STX3: variants seen among roughly 807,000 people sequenced by gnomAD.
STX3 encodes the protein syntaxin 3.
Under a neutral mutation model 40.2 loss-of-function variants are expected in STX3, and 19 were observed. That is an observed-to-expected ratio of 0.47 (90% CI 0.33 to 0.69). STX3 has a LOEUF of 0.69. STX3 is among the 30% of genes least tolerant of loss of function. The pLI is 0.02. For missense variants in STX3, 364 were observed against 366.7 expected, an observed-to-expected ratio of 0.99 and a Z score of 0.06; for synonymous variants, 122 against 132.2, an observed-to-expected ratio of 0.92 and a Z score of 0.53.
rs1218341879 is a variant in STX3 at position 59,804,395 on chromosome 11, T to G, written c.*3571T>G. 1.3e-5 allele frequency: 2 copies of G among 152,244 alleles called. No homozygotes were observed. Among genetic ancestry groups the G allele is most frequent in the African/African-American group, 2.4e-5 (1 of 41,464 alleles). The allele number at this position is 152,244 out of a possible 1,614,324, so 9.4% of individuals were successfully genotyped here. A position where few individuals can be genotyped will look rare whatever the true frequency, so the allele number is the denominator to read the frequency against. ...ACTTTTTAGCACAGCGCCTGCTGCT[T>G]ACAGGTACTCAAATATCTGCTGACT... On this transcript the variant is annotated 3_prime_UTR_variant, in exon 11 of 11. Coordinates refer to ENST00000337979, the MANE Select transcript of STX3 (RefSeq NM_004177.5).
At chr11:59,755,833 A>G (rs1018666193) in intron 1 of STX3, among the ~76,000 whole-genome samples, 198 bp downstream of exon 1, 1 of 151,760 alleles carries the variant, frequency 6.6e-6, no homozygotes, top group Admixed American at 6.6e-5. Context: ...ATTCATCGCT[A>G]GGCAATGATT....
At position 59,805,573 on chromosome 11, in the gene STX3, T is replaced by A. The variant is rs1341918380; in HGVS notation, c.*4749T>A. ...TGGTTGGGTCTGGAAAACATTAATCTGGGCAAACGGAGCTGGAGCTATGAG... is the reference window on the plus strand; with the variant it reads ...TGGTTGGGTCTGGAAAACATTAATCAGGGCAAACGGAGCTGGAGCTATGAG... On this transcript the variant is annotated 3_prime_UTR_variant, in exon 11 of 11. Transcript: ENST00000337979. 1 of 152,234 alleles carries A rather than the reference T, an allele frequency of 6.6e-6. No homozygotes were observed. Among genetic ancestry groups the A allele is most frequent in the Non-Finnish European group, 1.5e-5 (1 of 68,062 alleles). 9.4% of individuals were successfully genotyped at this position (152,234 alleles called of 1,614,324 possible).
At chr11:59,771,515 G>C (rs756829600) in intron 1 of STX3, among the ~76,000 whole-genome samples, 13 of 151,804 alleles carry the variant, frequency 8.6e-5, no homozygotes, top group Non-Finnish European at 1.3e-4. Flanking sequence ...AGTGCAGTGG[G>C]AGCTTAGGGA....
chr11:59,780,314 C>T (rs1056693600), intron 2 of STX3, among the ~76,000 whole-genome samples: 1 of 152,116 alleles, frequency 6.6e-6, no homozygotes, highest in African/African-American at 2.4e-5. Flanking sequence ...GAAAGATGAT[C>T]TCTCTCTCAG....
intron 2 of STX3, among the ~76,000 whole-genome samples, chr11:59,773,895 G>A (rs1047872201): frequency 5.9e-5 from 9 of 151,352 alleles, no homozygotes; most frequent in Middle Eastern, 3.2e-3. Flanking sequence ...ACTTGAATCC[G>A]GGAGGTGGAG....
intron 1 of STX3, among the ~76,000 whole-genome samples, chr11:59,755,865 C>T (rs977762386): frequency 6.6e-6 from 1 of 152,206 alleles, no homozygotes; most frequent in Admixed American, 6.5e-5. Context: ...CTCTAACTCT[C>T]CCACCCCGCA....
chr11:59,800,970 T>G lies in STX3; in HGVS notation c.*146T>G. The G allele has an allele frequency of 3.9e-6, 6 of 1,534,786 alleles. No individual in the cohort carries two copies. The highest frequency in any genetic ancestry group is 5.2e-6 in the Non-Finnish European group (6 of 1,145,968). On this transcript the variant is annotated 3_prime_UTR_variant, in exon 11 of 11. Coordinates refer to ENST00000337979, the MANE Select transcript of STX3 (RefSeq NM_004177.5). ...TTCCTTTGTTTCCTTGCAACCACCC[T>G]TGGACCTGACTCAGCTAACAATCTA... is the stretch of plus-strand genomic sequence containing the variant.
intron 2 of STX3, among the ~76,000 whole-genome samples, chr11:59,785,949 C>G (rs7947036): frequency 0.1 from 15,811 of 152,092 alleles, 1,151 homozygotes; most frequent in African/African-American, 0.2. Context: ...ACCTATGAAG[C>G]GGGGAGCTGA....
Position 59,801,182 on chromosome 11 carries a change from G to A in STX3, c.*358G>A. The A allele has an allele frequency of 4.2e-6, 5 of 1,199,550 alleles. No homozygotes were observed. The highest frequency in any genetic ancestry group is 5.2e-6 in the Non-Finnish European group (5 of 962,870). 74.3% of individuals were successfully genotyped at this position (1,199,550 alleles called of 1,614,324 possible). On this transcript the variant is annotated 3_prime_UTR_variant, in exon 11 of 11. Coordinates refer to ENST00000337979, the MANE Select transcript of STX3 (RefSeq NM_004177.5). ...TCTTGTGAGACTCTCCCAAGGTGCTGTATTTTTCTACCTCATGGAGTATTC... is the reference window on the plus strand; with the variant it reads ...TCTTGTGAGACTCTCCCAAGGTGCTATATTTTTCTACCTCATGGAGTATTC...
At position 59,803,736 on chromosome 11, in the gene STX3, G is replaced by A. The variant is rs1865982366; in HGVS notation, c.*2912G>A. On this transcript the variant is annotated 3_prime_UTR_variant, in exon 11 of 11. Coordinates refer to ENST00000337979, the MANE Select transcript of STX3 (RefSeq NM_004177.5). ...AATGAAAGTTAACACAGCCTTGTAT[G>A]TAGTCCTTTACCCCGGGTAAGAGGG... The A allele has an allele frequency of 6.5e-6, 1 of 153,290 alleles. No individual in the cohort carries two copies. Among genetic ancestry groups the A allele is most frequent in the Admixed American group, 6.5e-5 (1 of 15,296 alleles). 9.5% of individuals were successfully genotyped at this position (153,290 alleles called of 1,614,324 possible). A position where few individuals can be genotyped will look rare whatever the true frequency, so the allele number is the denominator to read the frequency against.
Position 59,755,617 on chromosome 11 carries a change from T to G in STX3, c.12T>G (p.Arg4=). The G allele has an allele frequency of 2.5e-5, 40 of 1,595,026 alleles. No homozygotes were observed. The highest frequency in any genetic ancestry group is 3.4e-5 in the Non-Finnish European group (40 of 1,176,666). ...GCCTGGGCTTCAGGATGAAGGACCG[T>G]CTGGAGCAGCTGAAGGCCGTGAGTT... The part of the protein sequence containing the change: MKD[R]LEQLKAKQLT... Residue 4 remains arginine (R), a synonymous_variant, in exon 1 of 11, where the codon CGT becomes CGG. Transcript: ENST00000337979.
chr11:59,800,831 G>T, intron 10 of STX3, 24 bp from the exon 11 acceptor site: 1 of 1,536,336 alleles, frequency 6.5e-7, no homozygotes, highest in Non-Finnish European at 8.7e-7. Context: ...GTACTGATCA[G>T]CTCCTCCTTT....
At chr11:59,775,961 T>C (rs1863943313) in intron 2 of STX3, among the ~76,000 whole-genome samples, 1 of 152,272 alleles carries the variant, frequency 6.6e-6, no homozygotes, top group African/African-American at 2.4e-5. Context: ...TGTGTGATCT[T>C]GTTCACATTC....
chr11:59,755,718 G>A lies in STX3; in HGVS notation c.30+83G>A. 2.1e-6 allele frequency: 3 copies of A among 1,442,206 alleles called. No homozygotes were observed. In the Admixed American group the frequency reaches 7.0e-5, roughly 34 times the overall value. The allele number at this position is 1,442,206 out of a possible 1,614,324, so 89.3% of individuals were successfully genotyped here. On this transcript the variant is annotated intron_variant, in intron 1 of 10. Transcript: ENST00000337979. ...TCCCTTTGCTCCCCAAGTCGAGGCTGGAGGGGGGCCCGAGCCGGAGGCTTG... is the reference window on the plus strand; with the variant it reads ...TCCCTTTGCTCCCCAAGTCGAGGCTAGAGGGGGGCCCGAGCCGGAGGCTTG...
intron 1 of STX3, 111 bp downstream of exon 1, chr11:59,755,746 C>G: frequency 7.3e-7 from 1 of 1,369,124 alleles, no homozygotes; most frequent in South Asian, 1.5e-5. Context: ...GAGGCTTGCC[C>G]TCCCCAAGCC....
At chr11:59,783,564 AT>A (rs1223760906) in intron 2 of STX3, among the ~76,000 whole-genome samples, 1 of 152,230 alleles carries the variant, frequency 6.6e-6, no homozygotes. Context: ...AGATGTCAGT[AT>A]ACTTAACCCC....
chr11:59,762,571 G>A (rs571153291), intron 1 of STX3, among the ~76,000 whole-genome samples: 1 of 152,256 alleles, frequency 6.6e-6, no homozygotes, highest in Non-Finnish European at 1.5e-5. Flanking sequence ...GAAGCTTGTG[G>A]GACAGAGGCT....
intron 1 of STX3, among the ~76,000 whole-genome samples, chr11:59,768,281 G>A (rs1488239439): frequency 6.6e-6 from 1 of 152,122 alleles, no homozygotes; most frequent in Non-Finnish European, 1.5e-5. Flanking sequence ...TAGGTGCCCA[G>A]CCTTGTGTCA....
chr11:59,800,629 G>A (rs764398000), intron 10 of STX3: 1 of 985,368 alleles, frequency 1.0e-6, no homozygotes, highest in Non-Finnish European at 1.2e-6. Flanking sequence ...CTGTGAGAAG[G>A]CTTATAAAAG....
Sources: gnomAD v4.1 joint callset for allele counts (sites outside exome capture counted in the v4.1 genomes callset) on GRCh38, gnomAD v4.1.1 for gene constraint, MANE v1.5 for transcripts, NCBI Gene and HGNC (gene_info 2026-07-23, HGNC 2026-07-21) for gene names.